Variants in GALNT13 observed in about 807,000 individuals in gnomAD.
GALNT13 encodes the protein UDP-GalNAc:polypeptide N-acetylgalactosaminyltransferase 13.
GALNT13 carries 28 observed loss-of-function variants against 64.2 expected under a neutral mutation model. The ratio of observed to expected loss-of-function variants is 0.44; its 90% confidence interval spans 0.32 to 0.60. The LOEUF (loss-of-function observed/expected upper bound fraction) is 0.60. Among genes scored for constraint, GALNT13 ranks in the 20% least tolerant of loss-of-function variants. GALNT13 has a pLI of 0.05. For synonymous variants in GALNT13, 214 were observed against 224.6 expected, an observed-to-expected ratio of 0.95 and a Z score of 0.42; for missense variants, 577 against 669.8, an observed-to-expected ratio of 0.86 and a Z score of 1.53.
At chr2:153,928,711 T>A (rs1208668111) in intron 2 of GALNT13, among the ~76,000 whole-genome samples, 1 of 152,176 alleles carries the variant, frequency 6.6e-6, no homozygotes, top group East Asian at 1.9e-4. Flanking sequence ...TTAAAAGCTT[T>A]CTTTATGAGG....
At chr2:153,734,233 G>C in the GALNT13 span, among the ~76,000 whole-genome samples, 4 of 152,066 alleles carry the variant, frequency 2.6e-5, no homozygotes, top group African/African-American at 9.7e-5. Flanking sequence ...AAGAGGTTTT[G>C]CTTTTCAGTT....
chr2:153,381,140 T>C, the GALNT13 span, among the ~76,000 whole-genome samples: 38 of 152,100 alleles, frequency 2.5e-4, no homozygotes, highest in Admixed American at 3.3e-4. Flanking sequence ...AGAGACAGGG[T>C]GTCACCATGT....
chr2:153,225,783 A>C, the GALNT13 span, among the ~76,000 whole-genome samples: 3 of 152,240 alleles, frequency 2.0e-5, no homozygotes, highest in African/African-American at 4.8e-5. Context: ...TACAGGATTT[A>C]AGTGTGGAAA....
chr2:153,521,613 A>G, the GALNT13 span, among the ~76,000 whole-genome samples: 1 of 152,126 alleles, frequency 6.6e-6, no homozygotes, highest in Non-Finnish European at 1.5e-5. Context: ...GATTTTGACA[A>G]AGGCATAATG....
the GALNT13 span, among the ~76,000 whole-genome samples, chr2:153,227,170 A>G: frequency 9.9e-5 from 15 of 152,214 alleles, no homozygotes; most frequent in African/African-American, 2.9e-4. Flanking sequence ...GAAATTTGCC[A>G]GAGGGAATGA....
chr2:154,347,461 C>A (rs1042591569), intron 9 of GALNT13, among the ~76,000 whole-genome samples: 3 of 151,832 alleles, frequency 2.0e-5, no homozygotes, highest in African/African-American at 7.3e-5. Flanking sequence ...TAAATTTTTT[C>A]TTTATTTTGT....
chr2:154,240,533 C>T (rs1200766028), intron 4 of GALNT13, among the ~76,000 whole-genome samples: 2 of 152,176 alleles, frequency 1.3e-5, no homozygotes, highest in African/African-American at 4.8e-5. Flanking sequence ...CTCCCTCTCA[C>T]ACGGCGTGTG....
intron 8 of GALNT13, among the ~76,000 whole-genome samples, chr2:154,276,690 C>T (rs1691668334): frequency 6.6e-6 from 1 of 152,142 alleles, no homozygotes; most frequent in Admixed American, 6.5e-5. Context: ...TTATGTGTGT[C>T]CTCACCCAAA....
At chr2:154,077,503 G>A (rs1385421232) in intron 3 of GALNT13, among the ~76,000 whole-genome samples, 1 of 151,294 alleles carries the variant, frequency 6.6e-6, no homozygotes, top group Non-Finnish European at 1.5e-5. Flanking sequence ...GTGAGTAAAG[G>A]GGTGGAAAAT....
intron 8 of GALNT13, among the ~76,000 whole-genome samples, chr2:154,277,166 T>C (rs1691694963): frequency 6.6e-6 from 1 of 152,206 alleles, no homozygotes; most frequent in Non-Finnish European, 1.5e-5. Context: ...GTGTATCTTA[T>C]AAAACTAAGA....
the GALNT13 span, among the ~76,000 whole-genome samples, chr2:153,826,651 T>C: frequency 6.6e-6 from 1 of 151,740 alleles, no homozygotes; most frequent in Non-Finnish European, 1.5e-5. Context: ...AATGACATGA[T>C]CTAAATGATA....
chr2:153,985,727 T>C (rs1016583945), intron 3 of GALNT13, among the ~76,000 whole-genome samples: 1 of 152,028 alleles, frequency 6.6e-6, no homozygotes, highest in Non-Finnish European at 1.5e-5. Context: ...CCCCAACCAC[T>C]GCTTGACATC....
Position 154,329,026 on chromosome 2 carries a change from TTC to T in GALNT13, c.1156+27439_1156+27440del, listed in dbSNP as rs374413479. On this transcript the variant is annotated intron_variant, in intron 9 of 12. Coordinates refer to ENST00000392825, the MANE Select transcript of GALNT13 (RefSeq NM_052917.4). Reference sequence around the variant, plus strand: ...TCTTTTCCTTATTGACCTTAAGGTATTCTATATACTTTGTACTACTACTTTGT... The same window carrying T: ...TCTTTTCCTTATTGACCTTAAGGTATTATATACTTTGTACTACTACTTTGT... 1.9e-4 allele frequency among the ~76,000 whole-genome samples: 29 copies of T among 152,278 alleles called. 1 individual carries two copies. The South Asian group carries it at 5.8e-3, about 30-fold the overall frequency.
At chr2:154,145,048 TTCTCTCTC>T (rs3075862) in intron 4 of GALNT13, among the ~76,000 whole-genome samples, 11 of 106,682 alleles carry the variant, frequency 1.0e-4, no homozygotes, top group African/African-American at 2.2e-4. Flanking sequence ...ATTTATGTAG[TTCTCTCTC>T]TCTCTCTCTC....
the GALNT13 span, among the ~76,000 whole-genome samples, chr2:153,151,344 G>A: frequency 1.3e-5 from 2 of 152,116 alleles, no homozygotes; most frequent in Non-Finnish European, 2.9e-5. Flanking sequence ...GTGCTGGAGA[G>A]GATGTGGAGA....
At chr2:153,400,672 G>C in the GALNT13 span, among the ~76,000 whole-genome samples, 2 of 152,172 alleles carry the variant, frequency 1.3e-5, no homozygotes, top group Non-Finnish European at 2.9e-5. Context: ...ATTTGTCGAG[G>C]AATTTATCCA....
chr2:153,443,782 G>A, the GALNT13 span, among the ~76,000 whole-genome samples: 1 of 152,238 alleles, frequency 6.6e-6, no homozygotes, highest in African/African-American at 2.4e-5. Flanking sequence ...AATTAGCCGG[G>A]CGTGATGGTG....
chr2:153,114,697 A>G, the GALNT13 span, among the ~76,000 whole-genome samples: 1 of 152,134 alleles, frequency 6.6e-6, no homozygotes, highest in Non-Finnish European at 1.5e-5. Flanking sequence ...AAGATGTAGC[A>G]AAGATAGATA....
intron 3 of GALNT13, among the ~76,000 whole-genome samples, chr2:154,054,659 A>C (rs1699809695): frequency 6.6e-6 from 1 of 151,906 alleles, no homozygotes; most frequent in Non-Finnish European, 1.5e-5. Flanking sequence ...CTTCTTTTTT[A>C]ATGACTCCTA....
Sources: allele counts gnomAD v4.1 joint callset (sites outside exome capture counted in the v4.1 genomes callset), GRCh38; gene constraint gnomAD v4.1.1; transcripts MANE v1.5; gene names NCBI Gene and HGNC (gene_info 2026-07-23, HGNC 2026-07-21).